Variants in GARS1 observed in about 807,000 individuals in gnomAD.
GARS1 encodes the protein glycyl-tRNA synthetase 1.
Under a neutral mutation model 86.4 loss-of-function variants are expected in GARS1, and 46 were observed. That is an observed-to-expected ratio of 0.53 (90% CI 0.42 to 0.68). The LOEUF (loss-of-function observed/expected upper bound fraction) is 0.68, where lower values mean the gene tolerates loss of function less well. Among genes scored for constraint, GARS1 ranks in the 30% least tolerant of loss-of-function variants. The pLI is 0.00. For missense variants in GARS1, 797 were observed against 915.6 expected (o/e 0.87, Z 1.67); for synonymous variants, 342 against 329.8 (o/e 1.04, Z -0.40).
chr7:30,598,644 A>C (rs996289022), intron 1 of GARS1, 152 bp from the exon 2 acceptor site: 3 of 680,240 alleles, frequency 4.4e-6, no homozygotes, highest in Non-Finnish European at 8.0e-6. Flanking sequence ...AGGGCCTTTC[A>C]AAGTGCTGGT....
chr7:30,630,657 C>T (rs991157986), intron 14 of GARS1, among the ~76,000 whole-genome samples: 2 of 151,810 alleles, frequency 1.3e-5, no homozygotes, highest in African/African-American at 4.8e-5. Context: ...ACCACAGGTG[C>T]GCCTCACAAT....
chr7:30,602,842 G>A (rs1791408473), intron 4 of GARS1, among the ~76,000 whole-genome samples, 192 bp from the exon 5 acceptor site: 1 of 152,210 alleles, frequency 6.6e-6, no homozygotes, highest in South Asian at 2.1e-4. Flanking sequence ...GAATGTGGGA[G>A]AGGGTGAGAA....
At chr7:30,631,983 G>A in intron 15 of GARS1, 2 of 474,144 alleles carry the variant, frequency 4.2e-6, no homozygotes, top group South Asian at 4.2e-5. Flanking sequence ...AGGTGGTGGA[G>A]TCAGGACTCA....
At position 30,610,462 on chromosome 7, in the gene GARS1, G is replaced by A. The variant is rs373056608; in HGVS notation, c.881+732G>A. ...TTTCTATGATAGGGTAAGAGAGTAA[G>A]TTTTTCCTACATGAGCTAGATAGAT... is the stretch of plus-strand genomic sequence containing the variant. On this transcript the variant is annotated intron_variant, in intron 7 of 16. Transcript: ENST00000389266. Among the ~76,000 whole-genome samples the A allele has an allele frequency of 5.9e-5, 9 of 152,332 alleles. No homozygotes were observed. In the East Asian group the frequency reaches 1.7e-3, roughly 29 times the overall value.
At chr7:30,630,434 A>G (rs1783212677) in intron 14 of GARS1, among the ~76,000 whole-genome samples, 1 of 151,792 alleles carries the variant, frequency 6.6e-6, no homozygotes, top group Non-Finnish European at 1.5e-5. Flanking sequence ...CTTTTGTACA[A>G]GTATTAAGAA....
intron 4 of GARS1, among the ~76,000 whole-genome samples, chr7:30,601,771 G>C (rs931367505): frequency 1.3e-5 from 2 of 152,098 alleles, no homozygotes; most frequent in Admixed American, 6.6e-5. Flanking sequence ...TGAAAGTAGG[G>C]CAGAATTTCC....
Position 30,628,583 on chromosome 7 carries a change from A to G in GARS1, c.1723A>G (p.Ile575Val), listed in dbSNP as rs528292901. The G allele has an allele frequency of 1.1e-5, 17 of 1,612,346 alleles. No homozygotes were observed. In the South Asian group the frequency reaches 1.9e-4, roughly 18 times the overall value. ...AGTGGAAGAAGTTGTTCCGAATGTAATTGAACCTTCCTTCGGCCTGGGTAG... is the reference window on the plus strand; with the variant it reads ...AGTGGAAGAAGTTGTTCCGAATGTAGTTGAACCTTCCTTCGGCCTGGGTAG... Reference protein sequence around the residue: ...LYVEEVVPNVIEPSFGLGRIM... With the variant: ...LYVEEVVPNVVEPSFGLGRIM... The change falls in exon 14 of 17, where the codon ATT becomes GTT. Residue 575 changes from isoleucine to valine, a missense_variant. This residue lies in a region of GARS1 where 598 missense variants were observed against 738.7 expected (regional missense o/e 0.81). Transcript: ENST00000389266.
Position 30,622,424 on chromosome 7 carries a change from C to T in GARS1, c.1575C>T (p.Cys525=). 6.2e-7 allele frequency: 1 copy of T among 1,614,048 alleles called. No homozygotes were observed. The highest frequency in any genetic ancestry group is 8.5e-7 in the Non-Finnish European group (1 of 1,179,984). Residue 525 remains cysteine, a synonymous_variant, in exon 12 of 17, where the codon TGC becomes TGT. Transcript: ENST00000389266. ...AGTATCTTGCCATTTGTGATGAGTG[C>T]TACATTACAGAAATGGAGATGCTGC... The part of the protein sequence containing the change: ...VMEYLAICDE[C]YITEMEMLLN...
intron 8 of GARS1, among the ~76,000 whole-genome samples, chr7:30,613,040 G>C (rs1782801982): frequency 6.6e-6 from 1 of 152,074 alleles, no homozygotes; most frequent in East Asian, 1.9e-4. Flanking sequence ...CAGCCCCAGC[G>C]CCCACCCATT....
intron 6 of GARS1, 109 bp downstream of exon 6, chr7:30,603,681 T>C (rs571180637): frequency 1.8e-4 from 145 of 808,478 alleles, no homozygotes; most frequent in African/African-American, 1.6e-3. Context: ...CACATTGTAA[T>C]GAAGCAGAGG....
At chr7:30,614,647 G>A (rs189218625) in intron 8 of GARS1, among the ~76,000 whole-genome samples, 4 of 152,026 alleles carry the variant, frequency 2.6e-5, no homozygotes, top group East Asian at 1.9e-4. Flanking sequence ...AGGCAGAGGC[G>A]GGCGGATCAT....
chr7:30,620,345 A>T (rs78790949), intron 10 of GARS1, among the ~76,000 whole-genome samples: 1 of 152,134 alleles, frequency 6.6e-6, no homozygotes, highest in Admixed American at 6.5e-5. Flanking sequence ...GGGTGCCAGC[A>T]TCGTCTGATC....
At chr7:30,597,596 A>G (rs1314301245) in intron 1 of GARS1, among the ~76,000 whole-genome samples, 3 of 152,262 alleles carry the variant, frequency 2.0e-5, no homozygotes, top group Admixed American at 6.5e-5. Flanking sequence ...TTAAAAACCC[A>G]TGAGGAAACA....
intron 13 of GARS1, among the ~76,000 whole-genome samples, chr7:30,626,603 C>T (rs1266637372): frequency 1.3e-5 from 2 of 152,222 alleles, no homozygotes; most frequent in Non-Finnish European, 2.9e-5. Flanking sequence ...CACCTGCCTT[C>T]GCGTCCCAAA....
intron 10 of GARS1, among the ~76,000 whole-genome samples, chr7:30,619,549 C>A (rs1273426912): frequency 6.6e-6 from 1 of 152,068 alleles, no homozygotes; most frequent in African/African-American, 2.4e-5. Context: ...TAAATTATAA[C>A]CACCAAACTA....
At chr7:30,610,629 A>G (rs1190843380) in intron 7 of GARS1, among the ~76,000 whole-genome samples, 1 of 152,234 alleles carries the variant, frequency 6.6e-6, no homozygotes, top group Non-Finnish European at 1.5e-5. Context: ...CATTTTGGCC[A>G]TATGTACAGA....
rs187297343 is a variant in GARS1, at chr7:30,622,359, A to G, written c.1510A>G (p.Ile504Val). Residue 504 changes from isoleucine (I) to valine (V), a missense_variant, in exon 12 of 17, where the codon ATT becomes GTT. By Grantham distance (29) the Ile-to-Val change is conservative. Around this residue, in one of 2 missense-constraint regions of GARS1, gnomAD observed 598 missense variants for 738.7 expected, o/e 0.81. Transcript: ENST00000389266. ...TCAGTTTGAACCCAGTAAGGGAGCA[A>G]TTGGTAAGGCATATAAGAAGGATGC... ...VVQFEPSKGAIGKAYKKDAKL... is the reference protein window; with the variant it reads ...VVQFEPSKGAVGKAYKKDAKL... 5.6e-6 allele frequency: 9 copies of G among 1,614,180 alleles called. No homozygotes were observed. Among genetic ancestry groups the G allele is most frequent in the Admixed American group, 1.7e-5 (1 of 60,030 alleles).
At position 30,609,490 on chromosome 7, in the gene GARS1, T is replaced by C. The variant is rs1053344430; in HGVS notation, c.736-95T>C. 31 of 1,024,794 alleles carry C rather than the reference T, an allele frequency of 3.0e-5. No homozygotes were observed. The South Asian group carries it at 3.9e-4, about 13-fold the overall frequency. 63.5% of individuals were successfully genotyped at this position (1,024,794 alleles called of 1,614,324 possible). On this transcript the variant is annotated intron_variant, in intron 6 of 16. Coordinates refer to ENST00000389266, the MANE Select transcript of GARS1 (RefSeq NM_002047.4). ...TGTGATGTTCCTGAATTTTGTGTGA[T>C]TGTAGCAGTGGATGGCTAGGGTTAT...
At chr7:30,611,770 G>A (rs1001151287) in intron 7 of GARS1, among the ~76,000 whole-genome samples, 3 of 152,114 alleles carry the variant, frequency 2.0e-5, no homozygotes, top group South Asian at 4.1e-4. Context: ...AGGTGTGAGC[G>A]ACTGCGCGCG....
Sources: gnomAD v4.1 joint callset for allele counts (sites outside exome capture counted in the v4.1 genomes callset) on GRCh38, gnomAD v4.1.1 for gene constraint, gnomAD v4.1.1 regional missense constraint, MANE v1.5 for transcripts, NCBI Gene and HGNC (gene_info 2026-07-23, HGNC 2026-07-21) for gene names.